NUMBL: variants seen among roughly 807,000 people sequenced by gnomAD.
NUMBL encodes numb-like protein.
In NUMBL, 20 loss-of-function variants were observed where a neutral mutation model predicts 48.9. The ratio of observed to expected loss-of-function variants is 0.41; its 90% CI spans 0.29 to 0.59. NUMBL has a LOEUF of 0.59. Ranked by LOEUF, NUMBL falls within the 20% of genes least tolerant of loss-of-function variation. The probability of loss-of-function intolerance (pLI) is 0.31; values close to 1 mark genes in which losing one functional copy is unlikely to be tolerated. For missense variants in NUMBL, 660 were observed against 846.2 expected (o/e 0.78, Z 2.73); for synonymous variants, 340 against 348.7 (o/e 0.98, Z 0.28).
chr19:40,676,334 A>C (rs1221458596), intron 7 of NUMBL, among the ~76,000 whole-genome samples: 1 of 152,064 alleles, frequency 6.6e-6, no homozygotes, highest in Non-Finnish European at 1.5e-5. Flanking sequence ...TTGAGGCTGC[A>C]GGGAGCTGTG....
At chr19:40,669,239 T>C (rs2081833063) in intron 9 of NUMBL, among the ~76,000 whole-genome samples, 1 of 152,088 alleles carries the variant, frequency 6.6e-6, no homozygotes, top group South Asian at 2.1e-4. Context: ...TCTAAGGTGA[T>C]CCTATGGCTC....
At position 40,666,271 on chromosome 19, in the gene NUMBL, C is replaced by G. The variant is rs2081806880; in HGVS notation, c.*1197G>C. 6.6e-6 allele frequency: 1 copy of G among 151,626 alleles called. No homozygotes were observed. The highest frequency in any genetic ancestry group is 2.4e-5 in the African/African-American group (1 of 41,178). 9.4% of individuals were successfully genotyped at this position (151,626 alleles called of 1,614,324 possible). On this transcript the variant is annotated 3_prime_UTR_variant, in exon 10 of 10. Transcript: ENST00000252891. ...CAAGCGATTCTTGTGCCTCAGCCTCCTGGAATTACAGGCGCCTGCCACCAC... is the reference window on the plus strand; with the variant it reads ...CAAGCGATTCTTGTGCCTCAGCCTCGTGGAATTACAGGCGCCTGCCACCAC...
At chr19:40,675,057 C>T (rs1411447391) in intron 7 of NUMBL, among the ~76,000 whole-genome samples, 1 of 143,888 alleles carries the variant, frequency 6.9e-6, no homozygotes, top group Non-Finnish European at 1.5e-5. Context: ...GCAGGAGAAT[C>T]GCTTGAACCC....
Position 40,690,597 on chromosome 19 carries a change from C to T in NUMBL, c.-114G>A, listed in dbSNP as rs1019575545. On this transcript the variant is annotated 5_prime_UTR_variant, in exon 1 of 10. Coordinates refer to ENST00000252891, the MANE Select transcript of NUMBL (RefSeq NM_004756.5). The stretch of plus-strand genomic sequence containing the variant: ...GTCTGACGCCGGCCAGGGCCCGGGG[C>T]CGGGGGATGGTGCGGGATGCACGCG... The T allele has an allele frequency of 1.4e-5, 8 of 561,674 alleles. No individual in the cohort carries two copies. Among genetic ancestry groups the T allele is most frequent in the African/African-American group, 1.2e-4 (6 of 51,100 alleles). The allele number at this position is 561,674 out of a possible 1,614,324, so 34.8% of individuals were successfully genotyped here. A position where few individuals can be genotyped will look rare whatever the true frequency, so the allele number is the denominator to read the frequency against.
At position 40,673,008 on chromosome 19, in the gene NUMBL, T is replaced by C. The variant is rs1400396503; in HGVS notation, c.1036+336A>G. 1.3e-5 allele frequency among the ~76,000 whole-genome samples: 2 copies of C among 151,946 alleles called. No homozygotes were observed. The highest frequency in any genetic ancestry group is 2.4e-5 in the African/African-American group (1 of 41,338). On this transcript the variant is annotated intron_variant, in intron 8 of 9. Coordinates refer to ENST00000252891, the MANE Select transcript of NUMBL (RefSeq NM_004756.5). The surrounding 1 kb of genome is among the most constrained non-coding windows in gnomAD (Gnocchi z 5.9). Reference sequence around the variant, plus strand: ...AACTTCCTTATCCATGCCCGACTTCTTTGTCCATAGCCGACTTTGCTAACT... The same window carrying C: ...AACTTCCTTATCCATGCCCGACTTCCTTGTCCATAGCCGACTTTGCTAACT...
chr19:40,668,922 G>A (rs1313266098), intron 9 of NUMBL, among the ~76,000 whole-genome samples: 4 of 152,102 alleles, frequency 2.6e-5, no homozygotes, highest in African/African-American at 7.2e-5. Flanking sequence ...TAAGATTCTC[G>A]AGTTCTACAT....
In NUMBL at chr19:40,667,749, C is replaced by A; in HGVS notation, c.1549G>T (p.Ala517Ser). The change falls in exon 10 of 10, where the codon GCA becomes TCA. Residue 517 changes from alanine (A) to serine (S), a missense_variant. By Grantham distance (99) the Ala-to-Ser change is moderately conservative (BLOSUM62 1). This residue lies in a region of NUMBL where 296 missense variants were observed against 339.7 expected (regional missense o/e 0.87). Transcript: ENST00000252891. The surrounding 1 kb of genome is among the most constrained non-coding windows in gnomAD (Gnocchi z 6.1). ...TGGGCGGCTGAGCAGAAGGCGTTTG[C>A]CACCATCTGTGAGGGTGTGATGCCC... Reference protein sequence around the residue: ...VVGITPSQMVANAFCSAAQLQ... With the variant: ...VVGITPSQMVSNAFCSAAQLQ... The A allele has an allele frequency of 6.3e-7, 1 of 1,579,708 alleles. No homozygotes were observed. Among genetic ancestry groups the A allele is most frequent in the East Asian group, 2.3e-5 (1 of 43,018 alleles).
chr19:40,681,084 AAG>A lies in NUMBL; in HGVS notation c.400-29_400-28del, dbSNP rs770470914. The A allele has an allele frequency of 3.1e-6, 5 of 1,612,472 alleles. No homozygotes were observed. In the Admixed American group the frequency reaches 8.3e-5, roughly 27 times the overall value. Reference sequence around the variant, plus strand: ...TAGGAGGGGCCGGGGAGGCCAGGAGAAGAGTGTGAACTCTCTTTCAAGTGTTC... The same window carrying A: ...TAGGAGGGGCCGGGGAGGCCAGGAGAAGTGTGAACTCTCTTTCAAGTGTTC... On this transcript the variant is annotated intron_variant, in intron 5 of 9. Transcript: ENST00000252891.
In NUMBL at chr19:40,682,684, T is replaced by G. The variant is rs1452850062; in HGVS notation, c.399+44A>C. ...GTCCTCCGCCCTGATTCCAGCAGGG[T>G]GAGCAGACAGGCCCCCTGGCGTCCA... On this transcript the variant is annotated intron_variant, in intron 5 of 9. Coordinates refer to ENST00000252891, the MANE Select transcript of NUMBL (RefSeq NM_004756.5). This position sits in a 1 kb window ranked among gnomAD's most constrained non-coding sequence, Gnocchi z 4.0. 2 of 1,589,384 alleles carry G rather than the reference T, an allele frequency of 1.3e-6. No homozygotes were observed. The highest frequency in any genetic ancestry group is 1.7e-6 in the Non-Finnish European group (2 of 1,161,070).
At position 40,682,912 on chromosome 19, in the gene NUMBL, C is replaced by T. The variant is rs201042638; in HGVS notation, c.306G>A (p.Ala102=). The T allele has an allele frequency of 5.6e-6, 9 of 1,614,032 alleles. No homozygotes were observed. Among genetic ancestry groups the T allele is most frequent in the East Asian group, 4.5e-5 (2 of 44,872 alleles). The change falls in exon 4 of 10, where the codon GCG becomes GCA. Residue 102 remains alanine, a synonymous_variant. Coordinates refer to ENST00000252891, the MANE Select transcript of NUMBL (RefSeq NM_004756.5). The surrounding 1 kb of genome is among the most constrained non-coding windows in gnomAD (Gnocchi z 4.0). ...CACTCACCGCCTTCAGCTTCTTCACCGCATCTTCACACACGTGCATTCCCC... is the reference window on the plus strand; with the variant it reads ...CACTCACCGCCTTCAGCTTCTTCACTGCATCTTCACACACGTGCATTCCCC... The part of the protein sequence containing the change: ...ESRGMHVCED[A]VKKLKAMGRK...
chr19:40,676,402 A>C (rs2144655865), intron 7 of NUMBL, among the ~76,000 whole-genome samples: 1 of 152,118 alleles, frequency 6.6e-6, no homozygotes, highest in Non-Finnish European at 1.5e-5. Flanking sequence ...CAGACAACAA[A>C]ACAAAACAAA....
In NUMBL at chr19:40,667,976, TGCTGCTGCTGCTGCTGTTGCTGTTGCTGC is replaced by T. The variant is rs1568425973; in HGVS notation, c.1293_1321del (p.Gln432AlafsTer30). ...TGAGGCTGCTTGCTGCTGTTGCTGC[TGCTGCTGCTGCTGCTGTTGCTGTTGCTGC>T]TGCTGCTGCTGCTGGGCCTTGGCCA... On this transcript the variant is annotated frameshift_variant, in exon 10 of 10. Coordinates refer to ENST00000252891, the MANE Select transcript of NUMBL (RefSeq NM_004756.5). LOFTEE classifies it low-confidence loss of function (END_TRUNC). This position sits in a 1 kb window ranked among gnomAD's most constrained non-coding sequence, Gnocchi z 6.1. 10 of 1,484,990 alleles carry T rather than the reference TGCTGCTGCTGCTGCTGTTGCTGTTGCTGC, an allele frequency of 6.7e-6. No homozygotes were observed. The highest frequency in any genetic ancestry group is 4.8e-5 in the African/African-American group (2 of 41,344). The allele number at this position is 1,484,990 out of a possible 1,614,324, so 92.0% of individuals were successfully genotyped here. A position where few individuals can be genotyped will look rare whatever the true frequency, so the allele number is the denominator to read the frequency against.
rs942273618 is a variant in NUMBL, at chr19:40,686,775, C to T, written c.109+136G>A. On this transcript the variant is annotated intron_variant, in intron 2 of 9. Coordinates refer to ENST00000252891, the MANE Select transcript of NUMBL (RefSeq NM_004756.5). ...TGTGCATGAGTGGGGCTCTGACAGTCGCTGAGGAAGATGCCTGAGGGTGTC... is the reference window on the plus strand; with the variant it reads ...TGTGCATGAGTGGGGCTCTGACAGTTGCTGAGGAAGATGCCTGAGGGTGTC... 5.9e-5 allele frequency: 38 copies of T among 639,074 alleles called. No individual in the cohort carries two copies. The African/African-American group carries it at 6.3e-4, about 11-fold the overall frequency. 39.6% of individuals were successfully genotyped at this position (639,074 alleles called of 1,614,324 possible).
intron 3 of NUMBL, 88 bp downstream of exon 3, chr19:40,684,329 G>T: frequency 1.4e-6 from 2 of 1,406,218 alleles, no homozygotes; most frequent in Admixed American, 2.3e-5. Flanking sequence ...GACTTGGGCT[G>T]GTGTCCCAGC....
In NUMBL at chr19:40,677,285, C is replaced by T. The variant is rs774372327; in HGVS notation, c.677G>A (p.Arg226His). 7 of 1,604,814 alleles carry T rather than the reference C, an allele frequency of 4.4e-6. No homozygotes were observed. Among genetic ancestry groups the T allele is most frequent in the Non-Finnish European group, 5.1e-6 (6 of 1,176,354 alleles). ...RTSFAREGSFRLSGGGRPAER... is the reference protein window; with the variant it reads ...RTSFAREGSFHLSGGGRPAER... Reference sequence around the variant, plus strand: ...AGCAGGCCGCCCACCCCCAGACAGGCGGAAGGAGCCCTCGCGGGCGAAGCT... The same window carrying T: ...AGCAGGCCGCCCACCCCCAGACAGGTGGAAGGAGCCCTCGCGGGCGAAGCT... Residue 226 changes from arginine (R) to histidine (H), a missense_variant, in exon 7 of 10, where the codon CGC becomes CAC. Coordinates refer to ENST00000252891, the MANE Select transcript of NUMBL (RefSeq NM_004756.5).
chr19:40,683,631 C>T lies in NUMBL; in HGVS notation c.250-663G>A, dbSNP rs927125086. ...AGGGGCTGAGCTCCACAGTCCACGC[C>T]GTGAATCCTGCTCTCCCCCTCACAG... On this transcript the variant is annotated intron_variant, in intron 3 of 9. Transcript: ENST00000252891. Among the ~76,000 whole-genome samples the T allele has an allele frequency of 2.6e-5, 4 of 152,204 alleles. No individual in the cohort carries two copies. In the South Asian group the frequency reaches 8.3e-4, roughly 31 times the overall value.
In NUMBL at chr19:40,687,299, G is replaced by A. The variant is rs145547528; in HGVS notation, c.25-304C>T. 3.3e-3 allele frequency among the ~76,000 whole-genome samples: 503 copies of A among 152,242 alleles called. 7 individuals are homozygous for A. Among genetic ancestry groups the A allele is most frequent in the African/African-American group, 0.012 (479 of 41,520 alleles). On this transcript the variant is annotated intron_variant, in intron 1 of 9. Transcript: ENST00000252891. The surrounding 1 kb of genome is among the most constrained non-coding windows in gnomAD (Gnocchi z 4.6). ...TGCATGTGCAGGGCTACACACATACGCAGCCAACTCATATCTACAGGTGTC... is the reference window on the plus strand; with the variant it reads ...TGCATGTGCAGGGCTACACACATACACAGCCAACTCATATCTACAGGTGTC...
At chr19:40,674,185 C>T (rs1018885026) in intron 7 of NUMBL, among the ~76,000 whole-genome samples, 4 of 152,102 alleles carry the variant, frequency 2.6e-5, no homozygotes, top group Admixed American at 2.6e-4. Flanking sequence ...AATGACTGCC[C>T]GCCCTGTCTC....
chr19:40,683,063 T>C, intron 3 of NUMBL, 95 bp from the exon 4 acceptor site: 1 of 1,086,348 alleles, frequency 9.2e-7, no homozygotes, highest in Non-Finnish European at 1.4e-6. Flanking sequence ...GTAGACAATA[T>C]TTTAAGCACA....
Sources: allele counts gnomAD v4.1 joint callset (sites outside exome capture counted in the v4.1 genomes callset), GRCh38; gene constraint gnomAD v4.1.1; regional missense constraint gnomAD v4.1.1; non-coding constraint Gnocchi (gnomAD v3.1); transcripts MANE v1.5; gene names NCBI Gene and HGNC (gene_info 2026-07-23, HGNC 2026-07-21).